Variants in NSUN6 observed in about 807,000 individuals in gnomAD.
NSUN6 encodes NOP2/Sun RNA methyltransferase 6, also known as tRNA (cytosine(72)-C(5))-methyltransferase NSUN6.
Under a neutral mutation model 58.0 loss-of-function variants are expected in NSUN6, and 64 were observed. The observed-to-expected ratio is 1.10, with a 90% CI of 0.90 to 1.36. The LOEUF (loss-of-function observed/expected upper bound fraction) is 1.36, where lower values mean the gene tolerates loss of function less well. NSUN6 is among the 40% of genes most tolerant of loss of function. The pLI is 0.00. For synonymous variants in NSUN6, 231 were observed against 193.9 expected, an observed-to-expected ratio of 1.19 and a Z score of -1.59; for missense variants, 701 against 550.1, an observed-to-expected ratio of 1.27 and a Z score of -2.74.
chr10:18,545,625 A>T lies in NSUN6; in HGVS notation c.*308T>A, dbSNP rs939938653. Reference sequence around the variant, plus strand: ...ATTTTTAACATTAAAAATGACTTGTACACTTTACAAATTAAAACATTAGAT... The same window carrying T: ...ATTTTTAACATTAAAAATGACTTGTTCACTTTACAAATTAAAACATTAGAT... On this transcript the variant is annotated 3_prime_UTR_variant, in exon 11 of 11. Coordinates refer to ENST00000377304, the MANE Select transcript of NSUN6 (RefSeq NM_182543.5). 15 of 207,216 alleles carry T rather than the reference A, an allele frequency of 7.2e-5. No individual in the cohort carries two copies. Among genetic ancestry groups the T allele is most frequent in the Non-Finnish European group, 1.3e-4 (14 of 104,260 alleles). The allele number at this position is 207,216 out of a possible 1,614,324, so 12.8% of individuals were successfully genotyped here. A position where few individuals can be genotyped will look rare whatever the true frequency, so the allele number is the denominator to read the frequency against.
intron 8 of NSUN6, among the ~76,000 whole-genome samples, chr10:18,553,067 A>G (rs984183238): frequency 1.4e-5 from 2 of 146,896 alleles, no homozygotes; most frequent in African/African-American, 5.1e-5. Context: ...TCCATTCTCC[A>G]TTCCATTAAA....
intron 7 of NSUN6, 70 bp downstream of exon 7, chr10:18,596,138 T>C: frequency 1.5e-6 from 2 of 1,334,576 alleles, no homozygotes; most frequent in Non-Finnish European, 2.1e-6. Context: ...AATGGCTCTA[T>C]GTTTCAGAAA....
At chr10:18,622,047 C>G (rs2058626095) in intron 3 of NSUN6, among the ~76,000 whole-genome samples, 2 of 146,848 alleles carry the variant, frequency 1.4e-5, no homozygotes, top group Admixed American at 1.4e-4. Context: ...GACACACACA[C>G]ACACACACAC....
intron 6 of NSUN6, among the ~76,000 whole-genome samples, chr10:18,609,641 A>G (rs1209261527): frequency 6.6e-6 from 1 of 152,212 alleles, no homozygotes; most frequent in Non-Finnish European, 1.5e-5. Flanking sequence ...AGAAAGATAG[A>G]AAAAGTAGTT....
rs1554862026 is a variant in NSUN6 at position 18,585,966 on chromosome 10, A to G, written c.905T>C (p.Met302Thr). 2 of 1,606,570 alleles carry G rather than the reference A, an allele frequency of 1.2e-6. No homozygotes were observed. Among genetic ancestry groups the G allele is most frequent in the Non-Finnish European group, 1.7e-6 (2 of 1,178,204 alleles). Residue 302 changes from methionine to threonine, a missense_variant, in exon 8 of 11, where the codon ATG (methionine) becomes ACG (threonine). Coordinates refer to ENST00000377304, the MANE Select transcript of NSUN6 (RefSeq NM_182543.5). ...TAGCTCACCTTCTGTGTCCTCCACC[A>G]TATCAAGTTTAACCGCCTTTGTTCC... Reference protein sequence around the residue: ...FDGTKAVKLDMVEDTEGEPPF... With the variant: ...FDGTKAVKLDTVEDTEGEPPF...
At chr10:18,550,321 A>G (rs1286843039) in intron 9 of NSUN6, among the ~76,000 whole-genome samples, 2 of 152,214 alleles carry the variant, frequency 1.3e-5, no homozygotes, top group Non-Finnish European at 2.9e-5. Flanking sequence ...GACTTCATAG[A>G]AAAAGACGAA....
At chr10:18,614,887 G>A (rs2058356752) in intron 4 of NSUN6, among the ~76,000 whole-genome samples, 1 of 152,012 alleles carries the variant, frequency 6.6e-6, no homozygotes, top group African/African-American at 2.4e-5. Context: ...CTCAAGCTGA[G>A]CCAAATTATT....
intron 8 of NSUN6, among the ~76,000 whole-genome samples, chr10:18,566,752 G>C (rs573961964): frequency 3.7e-5 from 5 of 136,670 alleles, no homozygotes; most frequent in South Asian, 2.4e-4. Flanking sequence ...CATTCCATTC[G>C]ATGCTCCATT....
chr10:18,593,266 A>G (rs11015033), intron 7 of NSUN6, among the ~76,000 whole-genome samples: 7,353 of 152,292 alleles, frequency 0.048, 267 homozygotes, highest in Non-Finnish European at 0.077. Context: ...GTGGGAGTGT[A>G]AATTAGTTCA....
chr10:18,550,889 T>A (rs932337312), intron 9 of NSUN6, among the ~76,000 whole-genome samples: 2 of 152,090 alleles, frequency 1.3e-5, no homozygotes, highest in Non-Finnish European at 2.9e-5. Flanking sequence ...CACACCCAGC[T>A]AATTTTTTGT....
At chr10:18,614,983 C>A (rs2058359901) in intron 4 of NSUN6, among the ~76,000 whole-genome samples, 1 of 151,946 alleles carries the variant, frequency 6.6e-6, no homozygotes, top group South Asian at 2.1e-4. Flanking sequence ...AAGGACTGTT[C>A]AAAAATGTAC....
intron 6 of NSUN6, among the ~76,000 whole-genome samples, chr10:18,609,414 G>T (rs2058154180): frequency 6.6e-6 from 1 of 152,020 alleles, no homozygotes; most frequent in Non-Finnish European, 1.5e-5. Flanking sequence ...TACCAGGAGT[G>T]TGACATAGGC....
At chr10:18,596,942 T>C (rs529234087) in intron 6 of NSUN6, among the ~76,000 whole-genome samples, 4 of 152,234 alleles carry the variant, frequency 2.6e-5, no homozygotes, top group African/African-American at 9.6e-5. Context: ...CGCCTCATCA[T>C]CTAACTCTCA....
At chr10:18,638,713 A>G (rs1167911229) in intron 3 of NSUN6, among the ~76,000 whole-genome samples, 1 of 152,166 alleles carries the variant, frequency 6.6e-6, no homozygotes. Context: ...AACTTGTTGT[A>G]TAAACATAAA....
intron 8 of NSUN6, among the ~76,000 whole-genome samples, chr10:18,567,279 T>C (rs1169699125): frequency 2.0e-5 from 3 of 151,544 alleles, no homozygotes; most frequent in Non-Finnish European, 4.4e-5. Context: ...CATTCTCCAT[T>C]CCATTCCATT....
chr10:18,611,395 T>C (rs769197710), intron 5 of NSUN6, among the ~76,000 whole-genome samples: 1 of 151,978 alleles, frequency 6.6e-6, no homozygotes, highest in African/African-American at 2.4e-5. Context: ...CATGTGTAGA[T>C]AGATGGTGTG....
chr10:18,646,391 T>A (rs2059547603), intron 2 of NSUN6, among the ~76,000 whole-genome samples: 1 of 152,078 alleles, frequency 6.6e-6, no homozygotes, highest in Non-Finnish European at 1.5e-5. Flanking sequence ...TACCATTGGT[T>A]TCCTATCTAG....
In NSUN6 at chr10:18,614,646, T is replaced by C. The variant is rs760810656; in HGVS notation, c.422-33A>G. The C allele has an allele frequency of 1.2e-5, 14 of 1,162,936 alleles. No individual in the cohort carries two copies. The Admixed American group carries it at 4.2e-4, about 35-fold the overall frequency. 72.0% of individuals were successfully genotyped at this position (1,162,936 alleles called of 1,614,324 possible). A position where few individuals can be genotyped will look rare whatever the true frequency, so the allele number is the denominator to read the frequency against. ...AAGAAGAAAATCAGATTACACTGAT[T>C]TATACTTTGGCAGAAGAATCGTGAA... is the stretch of plus-strand genomic sequence containing the variant. On this transcript the variant is annotated intron_variant, in intron 4 of 10. Transcript: ENST00000377304.
At chr10:18,550,081 T>C (rs973490646) in intron 9 of NSUN6, among the ~76,000 whole-genome samples, 1 of 152,260 alleles carries the variant, frequency 6.6e-6, no homozygotes, top group Non-Finnish European at 1.5e-5. Context: ...AAACCTGCTA[T>C]ATTCTAGTTC....
Sources: allele counts gnomAD v4.1 joint callset (sites outside exome capture counted in the v4.1 genomes callset), GRCh38; gene constraint gnomAD v4.1.1; transcripts MANE v1.5; gene names NCBI Gene and HGNC (gene_info 2026-07-23, HGNC 2026-07-21).